Variants in LRRTM4 observed in about 807,000 individuals in gnomAD.
The protein encoded by LRRTM4 is leucine-rich repeat transmembrane neuronal protein 4.
Under a neutral mutation model 47.6 loss-of-function variants are expected in LRRTM4, and 25 were observed. That is an observed-to-expected ratio of 0.53 (90% CI 0.38 to 0.73). The LOEUF (loss-of-function observed/expected upper bound fraction) is 0.73, where lower values mean the gene tolerates loss of function less well. Among genes scored for constraint, LRRTM4 ranks in the 30% least tolerant of loss-of-function variants. LRRTM4 has a pLI of 0.00. For synonymous variants in LRRTM4, 311 were observed against 269.5 expected, an observed-to-expected ratio of 1.15 and a Z score of -1.51; for missense variants, 638 against 713.4, an observed-to-expected ratio of 0.89 and a Z score of 1.20.
intron 3 of LRRTM4, among the ~76,000 whole-genome samples, chr2:76,939,951 G>T (rs1675079049): frequency 6.6e-6 from 1 of 151,812 alleles, no homozygotes; most frequent in Non-Finnish European, 1.5e-5. Context: ...TCCAAGAAGG[G>T]GTTGGTTCAA....
At chr2:77,012,539 G>T (rs1460548790) in intron 3 of LRRTM4, among the ~76,000 whole-genome samples, 1 of 152,166 alleles carries the variant, frequency 6.6e-6, no homozygotes, top group African/African-American at 2.4e-5. Flanking sequence ...CAGAGCCTGG[G>T]CAGGATTGAT....
intron 3 of LRRTM4, among the ~76,000 whole-genome samples, chr2:76,924,837 A>C (rs1674539205): frequency 6.6e-6 from 1 of 152,008 alleles, no homozygotes; most frequent in Admixed American, 6.6e-5. Context: ...TGTAAACCCC[A>C]TGGATTCATA....
rs139368928 is a variant in LRRTM4, at chr2:77,408,246, C to T, written c.1551+110072G>A. On this transcript the variant is annotated intron_variant, in intron 3 of 3. Coordinates refer to ENST00000409884, the MANE Select transcript of LRRTM4 (RefSeq NM_001134745.3). ...TTAAGTGTGTGGCCTCTGCCATATT[C>T]GTGACATCCTGCCATGGTGCTCCCA... 4.7e-3 allele frequency among the ~76,000 whole-genome samples: 715 copies of T among 152,240 alleles called. 6 individuals are homozygous for T. Among genetic ancestry groups the T allele is most frequent in the Admixed American group, 8.8e-3 (135 of 15,278 alleles).
intron 3 of LRRTM4, among the ~76,000 whole-genome samples, chr2:77,191,635 A>G (rs959518891): frequency 1.1e-4 from 17 of 151,938 alleles, no homozygotes; most frequent in Non-Finnish European, 1.9e-4. Context: ...AAATTAAAGA[A>G]TATGTAAAAA....
intron 3 of LRRTM4, among the ~76,000 whole-genome samples, chr2:76,935,332 C>A (rs1229450449): frequency 6.6e-6 from 1 of 152,014 alleles, no homozygotes; most frequent in Non-Finnish European, 1.5e-5. Context: ...CTTGGCTATG[C>A]GGGCTCTTTT....
chr2:77,284,545 A>T (rs1676598008), intron 3 of LRRTM4, among the ~76,000 whole-genome samples: 1 of 152,080 alleles, frequency 6.6e-6, no homozygotes, highest in African/African-American at 2.4e-5. Context: ...GATTAAATAT[A>T]TAGTCAGCAT....
At chr2:76,953,424 A>G (rs1675562780) in intron 3 of LRRTM4, among the ~76,000 whole-genome samples, 1 of 151,948 alleles carries the variant, frequency 6.6e-6, no homozygotes, top group Non-Finnish European at 1.5e-5. Context: ...TTCAAACAAG[A>G]GAGCACCTTT....
chr2:77,337,526 T>C (rs1247001524), intron 3 of LRRTM4, among the ~76,000 whole-genome samples: 1 of 152,092 alleles, frequency 6.6e-6, no homozygotes, highest in Non-Finnish European at 1.5e-5. Flanking sequence ...TTTTCTCCCA[T>C]GCTGTTCTCA....
At chr2:77,460,885 A>C (rs1399366334) in intron 3 of LRRTM4, among the ~76,000 whole-genome samples, 2 of 152,132 alleles carry the variant, frequency 1.3e-5, no homozygotes, top group African/African-American at 4.8e-5. Context: ...CTGGTGTGAC[A>C]CTGGGAATTG....
At chr2:76,939,798 C>G (rs1675075506) in intron 3 of LRRTM4, among the ~76,000 whole-genome samples, 1 of 151,998 alleles carries the variant, frequency 6.6e-6, no homozygotes, top group African/African-American at 2.4e-5. Flanking sequence ...ACTGGTCATA[C>G]ATAGATCATT....
rs70956631 is a variant in LRRTM4, at chr2:77,438,393, A to ATTTT, written c.1551+79921_1551+79924dup. ...TACATTTTCGCTCTCGATCATGATA[A>ATTTT]TTTTTTTTTTTTTTTTTTTTTTTTT... On this transcript the variant is annotated intron_variant, in intron 3 of 3. Transcript: ENST00000409884. Among the ~76,000 whole-genome samples the ATTTT allele has an allele frequency of 6.8e-4, 68 of 100,176 alleles. 4 individuals are homozygous for ATTTT. Among genetic ancestry groups the ATTTT allele is most frequent in the African/African-American group, 1.5e-3 (34 of 22,404 alleles). 65.7% of individuals were successfully genotyped at this position (100,176 alleles called of 152,430 possible). A position where few individuals can be genotyped will look rare whatever the true frequency, so the allele number is the denominator to read the frequency against.
At chr2:77,398,979 T>C (rs1208402066) in intron 3 of LRRTM4, among the ~76,000 whole-genome samples, 1 of 151,790 alleles carries the variant, frequency 6.6e-6, no homozygotes, top group Non-Finnish European at 1.5e-5. Context: ...TTGAAAATGC[T>C]ATATAAACTG....
intron 3 of LRRTM4, among the ~76,000 whole-genome samples, chr2:77,344,966 T>C (rs1671508523): frequency 1.3e-5 from 2 of 151,530 alleles, no homozygotes; most frequent in Admixed American, 1.3e-4. Flanking sequence ...ACTTGAATAA[T>C]TATATAAATA....
chr2:77,240,847 C>T (rs913778140), intron 3 of LRRTM4, among the ~76,000 whole-genome samples: 53 of 151,768 alleles, frequency 3.5e-4, no homozygotes, highest in African/African-American at 1.3e-3. Flanking sequence ...ATTAAGGTAA[C>T]AAAATGTGTA....
intron 3 of LRRTM4, among the ~76,000 whole-genome samples, chr2:77,093,020 C>T (rs1019282550): frequency 4.1e-5 from 6 of 147,756 alleles, no homozygotes; most frequent in African/African-American, 1.6e-4. Flanking sequence ...ATTTAAGCTC[C>T]TTTATAGACG....
At chr2:76,844,039 C>T (rs1159699191) in intron 3 of LRRTM4, among the ~76,000 whole-genome samples, 1 of 151,206 alleles carries the variant, frequency 6.6e-6, no homozygotes, top group African/African-American at 2.4e-5. Flanking sequence ...TTAGCTGGAA[C>T]TACAGGCGCC....
intron 3 of LRRTM4, among the ~76,000 whole-genome samples, chr2:76,935,761 T>G (rs909235589): frequency 2.4e-4 from 37 of 152,208 alleles, no homozygotes; most frequent in African/African-American, 8.4e-4. Context: ...AATGGGGTTT[T>G]CTAAATATAC....
intron 3 of LRRTM4, among the ~76,000 whole-genome samples, chr2:76,921,319 G>A (rs562822655): frequency 6.6e-6 from 1 of 152,084 alleles, no homozygotes; most frequent in African/African-American, 2.4e-5. Flanking sequence ...AGGGAGACCA[G>A]AAGTTCCCTT....
chr2:77,439,096 G>A (rs933267722), intron 3 of LRRTM4, among the ~76,000 whole-genome samples: 2 of 152,170 alleles, frequency 1.3e-5, no homozygotes, highest in Non-Finnish European at 2.9e-5. Flanking sequence ...GCAGTGTAAA[G>A]CTCAGAACCA....
Sources: gnomAD v4.1 joint callset for allele counts (sites outside exome capture counted in the v4.1 genomes callset) on GRCh38, gnomAD v4.1.1 for gene constraint, MANE v1.5 for transcripts, NCBI Gene and HGNC (gene_info 2026-07-23, HGNC 2026-07-21) for gene names.